Variants in CNTN4 observed in about 807,000 individuals in gnomAD.
CNTN4 encodes the protein contactin-4.
A neutral mutation model predicts 122.5 loss-of-function variants in CNTN4; 77 were observed. The observed-to-expected ratio is 0.63, with a 90% confidence interval of 0.52 to 0.76. The LOEUF is 0.76. Ranked by LOEUF, CNTN4 falls within the 30% of genes least tolerant of loss-of-function variation. CNTN4 has a pLI of 0.00. For missense variants in CNTN4, 1,256 were observed against 1,259.1 expected (o/e 1.00, Z 0.04); for synonymous variants, 512 against 447.0 (o/e 1.15, Z -1.83).
In CNTN4 at chr3:2,621,797, A is replaced by G. The variant is rs200445038; in HGVS notation, c.55+50239A>G. The stretch of plus-strand genomic sequence containing the variant: ...GGCTGTGATATTAATTCCATTTCAC[A>G]AAAGAATTTGTGAGACTCTCAAGCA... On this transcript the variant is annotated intron_variant, in intron 4 of 24. Transcript: ENST00000418658. 2.0e-5 allele frequency among the ~76,000 whole-genome samples: 3 copies of G among 152,110 alleles called. No individual in the cohort carries two copies. The East Asian group carries it at 5.8e-4, about 29-fold the overall frequency.
At chr3:2,664,304 C>T (rs1027484235) in intron 4 of CNTN4, among the ~76,000 whole-genome samples, 17 of 145,960 alleles carry the variant, frequency 1.2e-4, no homozygotes, top group Non-Finnish European at 2.4e-4. Flanking sequence ...TAAACCAATC[C>T]TGTGATTTTC....
At position 2,700,112 on chromosome 3, in the gene CNTN4, A is replaced by G. The variant is rs139337115; in HGVS notation, c.56-36103A>G. Among the ~76,000 whole-genome samples, 697 of 152,296 alleles carry G rather than the reference A, an allele frequency of 4.6e-3. 4 individuals are homozygous for G. Among genetic ancestry groups the G allele is most frequent in the African/African-American group, 0.016 (655 of 41,578 alleles). Reference sequence around the variant, plus strand: ...ACAGAGAAATTACACAGCAAGCAGTAGACATGGTGCCTGAAGGCAATGCAA... The same window carrying G: ...ACAGAGAAATTACACAGCAAGCAGTGGACATGGTGCCTGAAGGCAATGCAA... On this transcript the variant is annotated intron_variant, in intron 4 of 24. Coordinates refer to ENST00000418658, the MANE Select transcript of CNTN4 (RefSeq NM_175607.3).
intron 3 of CNTN4, among the ~76,000 whole-genome samples, chr3:2,417,567 T>C (rs2047460730): frequency 6.6e-6 from 1 of 152,178 alleles, no homozygotes; most frequent in Non-Finnish European, 1.5e-5. Flanking sequence ...GCTAATAAAA[T>C]GAGATTAGAA....
intron 13 of CNTN4, among the ~76,000 whole-genome samples, chr3:2,964,350 T>G (rs1692081864): frequency 6.6e-6 from 1 of 152,186 alleles, no homozygotes; most frequent in Non-Finnish European, 1.5e-5. Flanking sequence ...TAATTATGAA[T>G]ATCCAATGTG....
At chr3:2,577,458 A>G (rs1204598857) in intron 4 of CNTN4, among the ~76,000 whole-genome samples, 3 of 152,162 alleles carry the variant, frequency 2.0e-5, no homozygotes, top group Non-Finnish European at 4.4e-5. Context: ...TACTCTTTTT[A>G]GTATTTGCTT....
chr3:2,982,220 C>A (rs1386723457), intron 13 of CNTN4, among the ~76,000 whole-genome samples: 1 of 152,152 alleles, frequency 6.6e-6, no homozygotes, highest in Non-Finnish European at 1.5e-5. Flanking sequence ...TAGCATTCGT[C>A]AATCTTCTAC....
chr3:2,494,291 A>T (rs765837680), intron 3 of CNTN4, among the ~76,000 whole-genome samples: 3 of 152,210 alleles, frequency 2.0e-5, no homozygotes, highest in Non-Finnish European at 4.4e-5. Context: ...GCAGACATCA[A>T]TCAATACATG....
chr3:2,427,829 C>T (rs2047900687), intron 3 of CNTN4, among the ~76,000 whole-genome samples: 1 of 151,918 alleles, frequency 6.6e-6, no homozygotes, highest in South Asian at 2.1e-4. Flanking sequence ...TATGTAATGG[C>T]CTTCTTTGTC....
intron 3 of CNTN4, among the ~76,000 whole-genome samples, chr3:2,555,976 G>A (rs1233438550): frequency 6.6e-6 from 1 of 152,120 alleles, no homozygotes; most frequent in African/African-American, 2.4e-5. Flanking sequence ...AGACAGATAA[G>A]GTGCTGTCAA....
At chr3:2,377,227 TTG>T (rs2045855178) in intron 3 of CNTN4, among the ~76,000 whole-genome samples, 1 of 152,108 alleles carries the variant, frequency 6.6e-6, no homozygotes, top group East Asian at 1.9e-4. Context: ...TATCCAGTTG[TTG>T]TTGAACATGA....
intron 2 of CNTN4, among the ~76,000 whole-genome samples, chr3:2,310,491 G>A (rs1370357486): frequency 1.3e-5 from 2 of 152,146 alleles, no homozygotes; most frequent in Admixed American, 1.3e-4. Context: ...CAAAGCCTAT[G>A]GAGACATTTG....
chr3:2,814,806 CGTGAGCTTCAGCT>C (rs2092691426), intron 6 of CNTN4, among the ~76,000 whole-genome samples: 1 of 152,162 alleles, frequency 6.6e-6, no homozygotes, highest in Non-Finnish European at 1.5e-5. Context: ...GCTGCACCTC[CGTGAGCTTCAGCT>C]GTGTCACCTA....
At chr3:3,054,218 G>A (rs1701557197) in intron 24 of CNTN4, among the ~76,000 whole-genome samples, 2 of 152,290 alleles carry the variant, frequency 1.3e-5, no homozygotes, top group Middle Eastern at 3.4e-3. Context: ...ACCCGAATTA[G>A]TCACTAAGGT....
chr3:2,574,720 A>G (rs1325094352), intron 4 of CNTN4, among the ~76,000 whole-genome samples: 2 of 152,186 alleles, frequency 1.3e-5, no homozygotes, highest in Non-Finnish European at 2.9e-5. Context: ...ATGTTCTTAC[A>G]GAAGTAAAAG....
chr3:2,850,496 A>G (rs1300780333), intron 7 of CNTN4, among the ~76,000 whole-genome samples: 1 of 152,112 alleles, frequency 6.6e-6, no homozygotes, highest in Admixed American at 6.5e-5. Context: ...CATCACCCCA[A>G]TTTTACTCTT....
intron 8 of CNTN4, chr3:2,882,597 A>T (rs2093925505): frequency 1.3e-5 from 2 of 155,068 alleles, no homozygotes; most frequent in Non-Finnish European, 2.9e-5. Context: ...CACAGGTCCA[A>T]AATGTAATAA....
intron 2 of CNTN4, among the ~76,000 whole-genome samples, chr3:2,242,444 T>G (rs578102661): frequency 6.6e-5 from 10 of 152,238 alleles, no homozygotes; most frequent in Admixed American, 6.5e-4. Flanking sequence ...AATGTTTTCT[T>G]CCAACTTTCC....
intron 2 of CNTN4, among the ~76,000 whole-genome samples, chr3:2,286,520 C>A (rs1412736861): frequency 1.3e-5 from 2 of 151,818 alleles, no homozygotes; most frequent in African/African-American, 2.4e-5. Context: ...CTTACAATTT[C>A]TAAATAGGAC....
chr3:2,625,328 G>T (rs2600310), intron 4 of CNTN4, among the ~76,000 whole-genome samples: 99,719 of 152,028 alleles, frequency 0.66, 33,565 homozygotes, highest in East Asian at 0.87. Flanking sequence ...AAAACTATTT[G>T]CATTAAATAT....
Sources: allele counts gnomAD v4.1 joint callset (sites outside exome capture counted in the v4.1 genomes callset), GRCh38; gene constraint gnomAD v4.1.1; transcripts MANE v1.5; gene names NCBI Gene and HGNC (gene_info 2026-07-23, HGNC 2026-07-21).